COL2A1: variants seen among roughly 807,000 people sequenced by gnomAD.
COL2A1 encodes the protein collagen type II alpha 1 chain, also known as collagen alpha-1(II) chain.
A neutral mutation model predicts 204.5 loss-of-function variants in COL2A1; 28 were observed. The observed-to-expected ratio is 0.14, with a 90% CI of 0.10 to 0.19. COL2A1 has a LOEUF of 0.19. Ranked by LOEUF, COL2A1 falls within the 10% of genes least tolerant of loss-of-function variation. The probability of loss-of-function intolerance (pLI) is 1.00; values close to 1 mark genes in which losing one functional copy is unlikely to be tolerated. For synonymous variants in COL2A1, 708 were observed against 718.7 expected, an observed-to-expected ratio of 0.99 and a Z score of 0.24; for missense variants, 1,388 against 2,027.5, an observed-to-expected ratio of 0.68 and a Z score of 6.06.
chr12:47,989,855 G>T, intron 16 of COL2A1, 50 bp from the exon 17 acceptor site: 3 of 1,564,734 alleles, frequency 1.9e-6, no homozygotes, highest in Non-Finnish European at 1.8e-6. Context: ...GGCCCTGTCC[G>T]TCCCTGCTCC....
chr12:47,993,677 G>A (rs1456182231), intron 14 of COL2A1, 132 bp downstream of exon 14: 13 of 1,160,432 alleles, frequency 1.1e-5, no homozygotes, highest in African/African-American at 7.6e-5. Context: ...TCAGGATGTA[G>A]GGCTGGTGTT....
At chr12:47,991,644 G>A (rs544674674) in intron 16 of COL2A1, among the ~76,000 whole-genome samples, 8 of 152,292 alleles carry the variant, frequency 5.3e-5, no homozygotes, top group South Asian at 4.1e-4. Flanking sequence ...CCTAACTACC[G>A]TGCGGACAGG....
At position 47,975,566 on chromosome 12, in the gene COL2A1, G is replaced by A. The variant is rs886626700; in HGVS notation, c.3637C>T (p.Pro1213Ser). ...GACATGTCGATGCCAGGGCCAGGGGGACCTGGAGGACCAGGGGGTCCAGGA... is the reference window on the plus strand; with the variant it reads ...GACATGTCGATGCCAGGGCCAGGGGAACCTGGAGGACCAGGGGGTCCAGGA... Reference protein sequence around the residue: ...GNPGPPGPPGPPGPGIDMSAF... With the variant: ...GNPGPPGPPGSPGPGIDMSAF... Residue 1213 changes from proline to serine, a missense_variant, in exon 51 of 54, where the codon CCC (proline) becomes TCC (serine). Pro to Ser is a moderately conservative substitution (Grantham distance 74). This residue lies in a region of COL2A1 where 303 missense variants were observed against 369.2 expected (regional missense o/e 0.82). Transcript: ENST00000380518. 8 of 1,602,272 alleles carry A rather than the reference G, an allele frequency of 5.0e-6. No homozygotes were observed. The Admixed American group carries it at 1.3e-4, about 27-fold the overall frequency.
intron 1 of COL2A1, among the ~76,000 whole-genome samples, chr12:48,001,990 G>A (rs1300837139): frequency 1.3e-5 from 2 of 152,050 alleles, no homozygotes; most frequent in Non-Finnish European, 2.9e-5. Flanking sequence ...GCCGAGAGGT[G>A]GCGGCGGGCG....
chr12:47,973,507 T>G lies in COL2A1; in HGVS notation c.4364A>C (p.Gln1455Pro). 6.2e-7 allele frequency: 1 copy of G among 1,614,176 alleles called. No individual in the cohort carries two copies. The highest frequency in any genetic ancestry group is 8.5e-7 in the Non-Finnish European group (1 of 1,180,020). Reference sequence around the variant, plus strand: ...AATGATGGGGAGGCGTGAGGTCTTCTGTGACCGGTACTCGATAACAGTCTT... The same window carrying G: ...AATGATGGGGAGGCGTGAGGTCTTCGGTGACCGGTACTCGATAACAGTCTT... ...WGKTVIEYRSQKTSRLPIIDI... is the reference protein window; with the variant it reads ...WGKTVIEYRSPKTSRLPIIDI... Residue 1455 changes from glutamine to proline, a missense_variant, in exon 54 of 54, where the codon CAG becomes CCG. Physicochemically the swap from Gln to Pro is moderately conservative, Grantham distance 76. Coordinates refer to ENST00000380518, the MANE Select transcript of COL2A1 (RefSeq NM_001844.5).
rs1447536225 is a variant in COL2A1, at chr12:47,985,202, C to T, written c.1735-109G>A. Reference sequence around the variant, plus strand: ...GGCCCAGGACTAGGCACCAGCCACACATGCTCAGCATCTAGGATTGACCAC... The same window carrying T: ...GGCCCAGGACTAGGCACCAGCCACATATGCTCAGCATCTAGGATTGACCAC... On this transcript the variant is annotated intron_variant, in intron 26 of 53. Coordinates refer to ENST00000380518, the MANE Select transcript of COL2A1 (RefSeq NM_001844.5). 1.5e-5 allele frequency: 13 copies of T among 845,454 alleles called. No homozygotes were observed. In the African/African-American group the frequency reaches 1.7e-4, roughly 11 times the overall value. The allele number at this position is 845,454 out of a possible 1,614,324, so 52.4% of individuals were successfully genotyped here.
At position 47,981,763 on chromosome 12, in the gene COL2A1, A is replaced by G; in HGVS notation, c.2409+13T>C. On this transcript the variant is annotated intron_variant, in intron 36 of 53. Transcript: ENST00000380518. ...GGAGGCAAGGTGTGGAGAGGAAAGG[A>G]GCCGGGACTCACCTTCTCGCCATTA... The G allele has an allele frequency of 6.4e-7, 1 of 1,552,590 alleles. No individual in the cohort carries two copies. The highest frequency in any genetic ancestry group is 8.7e-7 in the Non-Finnish European group (1 of 1,147,478).
intron 17 of COL2A1, 123 bp from the exon 18 acceptor site, chr12:47,989,404 T>C: frequency 1.1e-6 from 1 of 890,850 alleles, no homozygotes; most frequent in Non-Finnish European, 1.8e-6. Context: ...CCATTGTGGC[T>C]AAAAGGCCTT....
rs1939486776 is a variant in COL2A1, at chr12:47,987,483, G to A, written c.1221+128C>T. 2 of 1,046,704 alleles carry A rather than the reference G, an allele frequency of 1.9e-6. No homozygotes were observed. Among genetic ancestry groups the A allele is most frequent in the Admixed American group, 4.0e-5 (2 of 50,454 alleles). 64.8% of individuals were successfully genotyped at this position (1,046,704 alleles called of 1,614,324 possible). A position where few individuals can be genotyped will look rare whatever the true frequency, so the allele number is the denominator to read the frequency against. On this transcript the variant is annotated intron_variant, in intron 19 of 53. Transcript: ENST00000380518. The surrounding 1 kb of genome is among the most constrained non-coding windows in gnomAD (Gnocchi z 4.1). ...TAGAAGGGAATACATCTAGAGGTGG[G>A]GACAGGCATTGGGCCAGAATGAAGG... is the stretch of plus-strand genomic sequence containing the variant.
At position 47,974,312 on chromosome 12, in the gene COL2A1, T is replaced by C. The variant is rs773088354; in HGVS notation, c.4094A>G (p.Asn1365Ser). ...GACGTTGGCAGTGTTGGGAGCCAGA[T>C]TGTCATCTCCATAGCTGAACTGTTG... ...GGFHFSYGDD[N>S]LAPNTANVQM... The change falls in exon 53 of 54, where the codon AAT becomes AGT. Residue 1365 changes from asparagine to serine, a missense_variant. Asn to Ser is a conservative substitution (Grantham distance 46). Transcript: ENST00000380518. The C allele has an allele frequency of 1.9e-6, 3 of 1,614,078 alleles. No homozygotes were observed. The highest frequency in any genetic ancestry group is 1.7e-6 in the Non-Finnish European group (2 of 1,180,010).
intron 36 of COL2A1, 62 bp from the exon 37 acceptor site, chr12:47,981,458 G>C: frequency 6.8e-7 from 1 of 1,471,342 alleles, no homozygotes. Flanking sequence ...GTGGGAGAGG[G>C]CAAAGTGCAT....
rs1275888661 is a variant in COL2A1, at chr12:48,004,309, C to G, written c.13G>C (p.Gly5Arg). 1.3e-6 allele frequency: 2 copies of G among 1,548,446 alleles called. No homozygotes were observed. The highest frequency in any genetic ancestry group is 3.9e-5 in the Admixed American group (2 of 50,986). ...AGCAGCACCAGCGTCTGGGGAGCCCCGAGGCGAATCATGGCTCACCGCGGG... is the reference window on the plus strand; with the variant it reads ...AGCAGCACCAGCGTCTGGGGAGCCCGGAGGCGAATCATGGCTCACCGCGGG... MIRL[G>R]APQTLVLLTL... Residue 5 changes from glycine (G) to arginine (R), a missense_variant, in exon 1 of 54, where the codon GGG becomes CGG. By Grantham distance (125) the Gly-to-Arg change is moderately radical. Coordinates refer to ENST00000380518, the MANE Select transcript of COL2A1 (RefSeq NM_001844.5).
At chr12:47,998,335 G>T in intron 3 of COL2A1, 80 bp downstream of exon 3, 2 of 1,510,664 alleles carry the variant, frequency 1.3e-6, no homozygotes, top group South Asian at 1.1e-5. Context: ...ATCACAGACT[G>T]GATTAACATA....
chr12:47,985,703 G>A (rs1270048528), intron 25 of COL2A1, 25 bp downstream of exon 25: 8 of 1,612,838 alleles, frequency 5.0e-6, no homozygotes, highest in Non-Finnish European at 6.8e-6. Flanking sequence ...CTGAAGCCAA[G>A]GGCAACAGCA....
At position 47,980,611 on chromosome 12, in the gene COL2A1, C is replaced by T. The variant is rs932099004; in HGVS notation, c.2568G>A (p.Gln856=). The T allele has an allele frequency of 4.3e-6, 7 of 1,612,888 alleles. No individual in the cohort carries two copies. In the African/African-American group the frequency reaches 9.3e-5, roughly 22 times the overall value. ...GACCAGGGGCACCAGCATCGCCTTT[C>T]TGGCCGGCCTCTCCTTGCTCACCCT... is the stretch of plus-strand genomic sequence containing the variant. The part of the protein sequence containing the change: ...GAKGEQGEAG[Q]KGDAGAPGPQ... Residue 856 remains glutamine, a synonymous_variant, in exon 39 of 54, where the codon CAG becomes CAA. Coordinates refer to ENST00000380518, the MANE Select transcript of COL2A1 (RefSeq NM_001844.5). The surrounding 1 kb of genome is among the most constrained non-coding windows in gnomAD (Gnocchi z 4.5).
chr12:47,996,021 G>A, intron 8 of COL2A1, 102 bp from the exon 9 acceptor site: 1 of 940,354 alleles, frequency 1.1e-6, no homozygotes, highest in Admixed American at 1.8e-5. Context: ...AGGACAAGAA[G>A]TTACTCTGTG....
chr12:47,990,863 G>T (rs2136595412), intron 16 of COL2A1, among the ~76,000 whole-genome samples: 1 of 152,300 alleles, frequency 6.6e-6, no homozygotes, highest in Non-Finnish European at 1.5e-5. Context: ...CCACAGGCTG[G>T]GTGGAGCTGG....
At chr12:48,003,075 C>T (rs911126913) in intron 1 of COL2A1, 1 of 152,238 alleles carries the variant, frequency 6.6e-6, no homozygotes, top group Non-Finnish European at 1.5e-5. Flanking sequence ...GGAATCCCAG[C>T]CGTCGGAAAC....
chr12:47,981,718 A>T (rs1024927308), intron 36 of COL2A1, 58 bp downstream of exon 36: 1 of 1,513,176 alleles, frequency 6.6e-7, no homozygotes, highest in Non-Finnish European at 9.0e-7. Context: ...TTGGCAGGAG[A>T]TAAGAAGGAG....
Sources: gnomAD v4.1 joint callset for allele counts (sites outside exome capture counted in the v4.1 genomes callset) on GRCh38, gnomAD v4.1.1 for gene constraint, gnomAD v4.1.1 regional missense constraint, Gnocchi (gnomAD v3.1) non-coding constraint, MANE v1.5 for transcripts, NCBI Gene and HGNC (gene_info 2026-07-23, HGNC 2026-07-21) for gene names.